Variants in GINS4 observed in about 807,000 individuals in gnomAD.
GINS4 encodes DNA replication complex GINS protein SLD5.
A neutral mutation model predicts 31.1 loss-of-function variants in GINS4; 20 were observed. The observed-to-expected ratio is 0.64, with a 90% CI of 0.45 to 0.93. The LOEUF (loss-of-function observed/expected upper bound fraction) is 0.93. GINS4 is among the 40% of genes least tolerant of loss of function. The pLI, the probability that GINS4 is intolerant of heterozygous loss-of-function variation, is 0.00. For synonymous variants in GINS4, 85 were observed against 97.9 expected, an observed-to-expected ratio of 0.87 and a Z score of 0.78; for missense variants, 245 against 273.9, an observed-to-expected ratio of 0.89 and a Z score of 0.75.
intron 6 of GINS4, 60 bp from the exon 7 acceptor site, chr8:41,541,749 T>TA (rs1331270744): frequency 6.3e-5 from 88 of 1,389,966 alleles, no homozygotes; most frequent in Non-Finnish European, 7.8e-5. Flanking sequence ...CCCAGCAACT[T>TA]TTACTTTGTT....
chr8:41,531,721 A>T (rs1806650419), intron 2 of GINS4, among the ~76,000 whole-genome samples: 1 of 152,182 alleles, frequency 6.6e-6, no homozygotes, highest in South Asian at 2.1e-4. Context: ...ATCCCCTGAA[A>T]TCCACCCACA....
chr8:41,539,694 C>T lies in GINS4; in HGVS notation c.314C>T (p.Pro105Leu). Reference protein sequence around the residue: ...CRLMKIEKFFPHVLEKEKTRP... With the variant: ...CRLMKIEKFFLHVLEKEKTRP... Reference sequence around the variant, plus strand: ...TCCTCACAGATAGAGAAGTTTTTCCCTCATGTCCTTGAGAAGGAAAAAACA... The same window carrying T: ...TCCTCACAGATAGAGAAGTTTTTCCTTCATGTCCTTGAGAAGGAAAAAACA... Residue 105 changes from proline to leucine, a missense_variant, in exon 5 of 8, where the codon CCT (proline) becomes CTT (leucine). Transcript: ENST00000276533. The T allele has an allele frequency of 6.2e-7, 1 of 1,613,168 alleles. No homozygotes were observed. Among genetic ancestry groups the T allele is most frequent in the Non-Finnish European group, 8.5e-7 (1 of 1,179,498 alleles).
At position 41,536,014 on chromosome 8, in the gene GINS4, G is replaced by A. The variant is rs149346768; in HGVS notation, c.97-346G>A. On this transcript the variant is annotated intron_variant, in intron 2 of 7. Transcript: ENST00000276533. ...TCTCTCTAAATAGACATGGGGTGGC[G>A]CTGCCTGGGGGAACAGTGTGCCCGG... is the stretch of plus-strand genomic sequence containing the variant. Among the ~76,000 whole-genome samples, 330 of 152,248 alleles carry A rather than the reference G, an allele frequency of 2.2e-3. 3 individuals are homozygous for A. Among genetic ancestry groups the A allele is most frequent in the African/African-American group, 5.9e-3 (244 of 41,542 alleles).
chr8:41,540,741 G>A (rs745777134), intron 6 of GINS4, among the ~76,000 whole-genome samples: 1 of 152,170 alleles, frequency 6.6e-6, no homozygotes, highest in East Asian at 1.9e-4. Context: ...CAAATCAAAC[G>A]AGCTCCAGTA....
chr8:41,531,613 C>CT (rs34074071), intron 2 of GINS4, among the ~76,000 whole-genome samples: 3 of 152,106 alleles, frequency 2.0e-5, no homozygotes, highest in Non-Finnish European at 4.4e-5. Flanking sequence ...TATCACAGAC[C>CT]TTTTTGAGAA....
At chr8:41,530,786 T>G (rs1396967946) in intron 2 of GINS4, among the ~76,000 whole-genome samples, 2 of 116,510 alleles carry the variant, frequency 1.7e-5, no homozygotes, top group Admixed American at 1.7e-4. Context: ...ATTTCTCCTT[T>G]AAGTTGTAAT....
At position 41,542,866 on chromosome 8, in the gene GINS4, A is replaced by G. The variant is rs559381888; in HGVS notation, c.*779A>G. 3 of 152,418 alleles carry G rather than the reference A, an allele frequency of 2.0e-5. No individual in the cohort carries two copies. The highest frequency in any genetic ancestry group is 1.3e-4 in the Admixed American group (2 of 15,304). The allele number at this position is 152,418 out of a possible 1,614,324, so 9.4% of individuals were successfully genotyped here. On this transcript the variant is annotated 3_prime_UTR_variant, in exon 8 of 8. Coordinates refer to ENST00000276533, the MANE Select transcript of GINS4 (RefSeq NM_032336.3). Reference sequence around the variant, plus strand: ...CCTGTCTGCTGTTTTAGCCCGTGTCAGTAGATGGGGCCATTGTACTGTTTG... The same window carrying G: ...CCTGTCTGCTGTTTTAGCCCGTGTCGGTAGATGGGGCCATTGTACTGTTTG...
At chr8:41,536,994 A>T in intron 3 of GINS4, 186 bp from the exon 4 acceptor site, 1 of 551,426 alleles carries the variant, frequency 1.8e-6, no homozygotes, top group South Asian at 2.0e-5. Context: ...GGCTGAACAG[A>T]TTCTATTCAA....
intron 2 of GINS4, among the ~76,000 whole-genome samples, chr8:41,531,141 G>T (rs778015700): frequency 6.6e-6 from 1 of 152,172 alleles, no homozygotes; most frequent in Non-Finnish European, 1.5e-5. Flanking sequence ...ATGTGGTGGC[G>T]CATGCCTGTA....
rs138873069 is a variant in GINS4 at position 41,531,272 on chromosome 8, G to A, written c.96+974G>A. Among the ~76,000 whole-genome samples the A allele has an allele frequency of 4.9e-3, 748 of 152,190 alleles. 12 individuals carry two copies. Among genetic ancestry groups the A allele is most frequent in the African/African-American group, 0.016 (676 of 41,538 alleles). On this transcript the variant is annotated intron_variant, in intron 2 of 7. Coordinates refer to ENST00000276533, the MANE Select transcript of GINS4 (RefSeq NM_032336.3). Reference sequence around the variant, plus strand: ...GCCTGGGCAACAAGAGTGAAACTCCGTCTCAAAAAAATAATAAAATAAAAT... The same window carrying A: ...GCCTGGGCAACAAGAGTGAAACTCCATCTCAAAAAAATAATAAAATAAAAT...
chr8:41,537,518 G>A, intron 4 of GINS4: 1 of 469,824 alleles, frequency 2.1e-6, no homozygotes, highest in Non-Finnish European at 3.8e-6. Flanking sequence ...CACATTTTTA[G>A]TCTGTTCACC....
chr8:41,540,148 C>A, intron 6 of GINS4, 144 bp downstream of exon 6: 3 of 652,080 alleles, frequency 4.6e-6, no homozygotes, highest in East Asian at 2.7e-5. Context: ...AGCTAAAAAC[C>A]AAAAAAATCA....
At chr8:41,538,965 C>T (rs893091212) in intron 4 of GINS4, among the ~76,000 whole-genome samples, 4 of 151,172 alleles carry the variant, frequency 2.6e-5, no homozygotes, top group Admixed American at 6.6e-5. Flanking sequence ...TCCCAAAGTG[C>T]GGGGATTACA....
chr8:41,541,310 T>C (rs961079129), intron 6 of GINS4, among the ~76,000 whole-genome samples: 1 of 152,048 alleles, frequency 6.6e-6, no homozygotes. Flanking sequence ...CTGGCCTCAA[T>C]TGATCCTCCA....
chr8:41,530,712 A>T (rs962129472), intron 2 of GINS4, among the ~76,000 whole-genome samples: 2 of 151,544 alleles, frequency 1.3e-5, no homozygotes, highest in African/African-American at 4.8e-5. Flanking sequence ...TTTTTCTCAC[A>T]TGTTTTTTCT....
At position 41,537,276 on chromosome 8, in the gene GINS4, C is replaced by G; in HGVS notation, c.280C>G (p.Arg94Gly). The G allele has an allele frequency of 6.2e-7, 1 of 1,611,882 alleles. No individual in the cohort carries two copies. Among genetic ancestry groups the G allele is most frequent in the Middle Eastern group, 1.7e-4 (1 of 5,926 alleles). ...CCGCTACGTCCTCAGCAGCTACTTGCGGTGTCGCCTCATGAAGGTTTGACG... is the reference window on the plus strand; with the variant it reads ...CCGCTACGTCCTCAGCAGCTACTTGGGGTGTCGCCTCATGAAGGTTTGACG... ...RIRYVLSSYL[R>G]CRLMKIEKFF... The change falls in exon 4 of 8, where the codon CGG (arginine) becomes GGG (glycine). Residue 94 changes from arginine (R) to glycine (G), a missense_variant. Transcript: ENST00000276533.
At chr8:41,541,592 T>C (rs1259508637) in intron 6 of GINS4, among the ~76,000 whole-genome samples, 2 of 152,130 alleles carry the variant, frequency 1.3e-5, no homozygotes, top group African/African-American at 4.8e-5. Context: ...GAACCCTGAA[T>C]TGGTCATTTT....
At chr8:41,539,310 A>C in intron 4 of GINS4, among the ~76,000 whole-genome samples, 2 of 112,416 alleles carry the variant, frequency 1.8e-5, no homozygotes, top group Admixed American at 1.2e-4. Flanking sequence ...ACACAATGAG[A>C]CTCCATCTCA....
intron 5 of GINS4, 59 bp from the exon 6 acceptor site, chr8:41,539,857 C>A: frequency 6.3e-7 from 1 of 1,586,292 alleles, no homozygotes; most frequent in Non-Finnish European, 8.7e-7. Context: ...CTGCTGCCTG[C>A]TAACCTTGGA....
Sources: allele counts gnomAD v4.1 joint callset (sites outside exome capture counted in the v4.1 genomes callset), GRCh38; gene constraint gnomAD v4.1.1; transcripts MANE v1.5; gene names NCBI Gene and HGNC (gene_info 2026-07-23, HGNC 2026-07-21).